TES: variants seen among roughly 807,000 people sequenced by gnomAD.
TES encodes the protein testin.
TES carries 41 observed loss-of-function variants against 48.2 expected under a neutral mutation model. That is an observed-to-expected ratio of 0.85 (90% confidence interval 0.66 to 1.10). The LOEUF is 1.10. Ranked by LOEUF, TES falls within the 50% of genes least tolerant of loss-of-function variation. The pLI is 0.00. For missense variants in TES, 463 were observed against 515.1 expected, an observed-to-expected ratio of 0.90 and a Z score of 0.98; for synonymous variants, 162 against 174.9, an observed-to-expected ratio of 0.93 and a Z score of 0.58.
At chr7:116,241,259 A>T (rs1406135820) in intron 2 of TES, among the ~76,000 whole-genome samples, 5 of 152,184 alleles carry the variant, frequency 3.3e-5, no homozygotes, top group Non-Finnish European at 5.9e-5. Flanking sequence ...AATGTGGGAG[A>T]CTCAAATATA....
chr7:116,245,218 G>A (rs369979633), intron 2 of TES, among the ~76,000 whole-genome samples: 14 of 152,172 alleles, frequency 9.2e-5, no homozygotes, highest in African/African-American at 3.4e-4. Flanking sequence ...CTTTTGTATC[G>A]CATTGTCAGG....
rs1458799347 is a variant in TES at position 116,210,599 on chromosome 7, C to T, written c.-109C>T. On this transcript the variant is annotated 5_prime_UTR_variant, in exon 1 of 7. Transcript: ENST00000358204. ...CCGGGCGAGTGGCTGTTGAGCGGCG[C>T]CGCGGGAGTTCCGCAGGTTTCCCGT... The T allele has an allele frequency of 7.6e-6, 9 of 1,186,648 alleles. No individual in the cohort carries two copies. The highest frequency in any genetic ancestry group is 8.5e-5 in the Admixed American group (2 of 23,530). The allele number at this position is 1,186,648 out of a possible 1,614,324, so 73.5% of individuals were successfully genotyped here.
chr7:116,214,247 T>G (rs1343602917), intron 1 of TES, among the ~76,000 whole-genome samples: 2 of 152,202 alleles, frequency 1.3e-5, no homozygotes, highest in Non-Finnish European at 1.5e-5. Context: ...TCAAAACCTT[T>G]GTCATTAGCC....
At chr7:116,217,763 G>A (rs370313567) in intron 1 of TES, 1 of 518,254 alleles carries the variant, frequency 1.9e-6, no homozygotes, top group Non-Finnish European at 3.9e-6. Context: ...CACTATTAGA[G>A]GATTAAATTT....
At chr7:116,223,189 AG>A (rs1799577857) in intron 1 of TES, among the ~76,000 whole-genome samples, 1 of 152,144 alleles carries the variant, frequency 6.6e-6, no homozygotes, top group South Asian at 2.1e-4. Flanking sequence ...ATTTTTTAAA[AG>A]GGGGGCCTAA....
intron 2 of TES, among the ~76,000 whole-genome samples, chr7:116,244,816 T>TA (rs1375693579): frequency 5.3e-5 from 8 of 152,210 alleles, no homozygotes; most frequent in African/African-American, 1.9e-4. Flanking sequence ...CTCTGAAATC[T>TA]AGGCAGAGGT....
intron 1 of TES, among the ~76,000 whole-genome samples, chr7:116,225,905 C>A (rs1300939444): frequency 6.6e-6 from 1 of 152,176 alleles, no homozygotes; most frequent in African/African-American, 2.4e-5. Flanking sequence ...TGGTTAGGAG[C>A]AGTCACAGCT....
At chr7:116,217,878 A>G in intron 1 of TES, 1 of 515,624 alleles carries the variant, frequency 1.9e-6, no homozygotes, top group Non-Finnish European at 3.9e-6. Flanking sequence ...TGCCCTGTCT[A>G]CCTAACATTC....
chr7:116,252,297 T>C, intron 5 of TES, 21 bp from the exon 6 acceptor site: 1 of 1,589,770 alleles, frequency 6.3e-7, no homozygotes, highest in Non-Finnish European at 8.6e-7. Flanking sequence ...AAATCCATCT[T>C]TATTTTTATC....
At chr7:116,213,457 T>TC in intron 1 of TES, among the ~76,000 whole-genome samples, 1 of 152,372 alleles carries the variant, frequency 6.6e-6, no homozygotes, top group South Asian at 2.1e-4. Context: ...GCATCATTGT[T>TC]CCACATTAAC....
rs2896181 is a variant in TES, at chr7:116,257,830, C to T, written c.*348C>T. 0.32 allele frequency: 52,200 copies of T among 161,776 alleles called. 8,873 individuals are homozygous for T. The highest frequency in any genetic ancestry group is 0.58 in the East Asian group (3,183 of 5,508). 10.0% of individuals were successfully genotyped at this position (161,776 alleles called of 1,614,324 possible). On this transcript the variant is annotated 3_prime_UTR_variant, in exon 7 of 7. Coordinates refer to ENST00000358204, the MANE Select transcript of TES (RefSeq NM_015641.4). ...TGTACTGAATGGAAAGATGAGCATT[C>T]CTAGTTCTACACTTCTTTTTTCCCC...
intron 2 of TES, among the ~76,000 whole-genome samples, chr7:116,236,352 C>T (rs975745117): frequency 6.6e-6 from 1 of 152,174 alleles, no homozygotes; most frequent in East Asian, 1.9e-4. Flanking sequence ...GACCGTGTGA[C>T]AGGTTGCATT....
rs578038621 is a variant in TES at position 116,231,086 on chromosome 7, T to C, written c.28-3448T>C. Among the ~76,000 whole-genome samples the C allele has an allele frequency of 2.0e-3, 311 of 152,322 alleles. 2 individuals carry two copies. Among genetic ancestry groups the C allele is most frequent in the Non-Finnish European group, 7.5e-4 (51 of 68,020 alleles). ...GAGCTCCCATTTGACACGCTAGTCC[T>C]CTGCCCCAAAAGAACAGTAGAGCAG... On this transcript the variant is annotated intron_variant, in intron 1 of 6. Transcript: ENST00000358204.
intron 2 of TES, among the ~76,000 whole-genome samples, chr7:116,242,115 G>A (rs1168873776): frequency 6.6e-6 from 1 of 151,896 alleles, no homozygotes; most frequent in Non-Finnish European, 1.5e-5. Context: ...TTTATTATAC[G>A]GCCTCGATCC....
intron 3 of TES, 65 bp downstream of exon 3, chr7:116,249,337 CT>C: frequency 1.3e-6 from 2 of 1,579,662 alleles, no homozygotes; most frequent in Non-Finnish European, 1.7e-6. Flanking sequence ...GGGGCAGTTT[CT>C]TTGATGACCT....
At chr7:116,234,087 CATA>C (rs1799734691) in intron 1 of TES, among the ~76,000 whole-genome samples, 1 of 151,992 alleles carries the variant, frequency 6.6e-6, no homozygotes, top group African/African-American at 2.4e-5. Flanking sequence ...TAATATTTAT[CATA>C]ATAAAAATAA....
Position 116,257,716 on chromosome 7 carries a change from GC to G in TES, c.*235del, listed in dbSNP as rs1800123435. ...CAGTAAATAATTGTATCTTTCCATAGCTTTTCAAATGTGAAATCATTTTTGG... is the reference window on the plus strand; with the variant it reads ...CAGTAAATAATTGTATCTTTCCATAGTTTTCAAATGTGAAATCATTTTTGG... On this transcript the variant is annotated 3_prime_UTR_variant, in exon 7 of 7. Transcript: ENST00000358204. 1.5e-5 allele frequency: 5 copies of G among 341,368 alleles called. No homozygotes were observed. The highest frequency in any genetic ancestry group is 2.6e-5 in the Non-Finnish European group (5 of 191,824). The allele number at this position is 341,368 out of a possible 1,614,324, so 21.1% of individuals were successfully genotyped here. A position where few individuals can be genotyped will look rare whatever the true frequency, so the allele number is the denominator to read the frequency against.
intron 4 of TES, among the ~76,000 whole-genome samples, chr7:116,251,281 C>G (rs1210648419): frequency 1.3e-5 from 2 of 152,156 alleles, no homozygotes; most frequent in Admixed American, 1.3e-4. Context: ...TTCCATTTCA[C>G]AGAATTATTA....
chr7:116,212,310 C>A (rs1799447962), intron 1 of TES, among the ~76,000 whole-genome samples: 1 of 152,120 alleles, frequency 6.6e-6, no homozygotes. Flanking sequence ...CTGTATGATA[C>A]TATAAAATGG....
Sources: gnomAD v4.1 joint callset for allele counts (sites outside exome capture counted in the v4.1 genomes callset) on GRCh38, gnomAD v4.1.1 for gene constraint, MANE v1.5 for transcripts, NCBI Gene and HGNC (gene_info 2026-07-23, HGNC 2026-07-21) for gene names.